Variants in FAM13A observed in about 807,000 individuals in gnomAD.
The protein encoded by FAM13A is protein FAM13A.
FAM13A carries 76 observed loss-of-function variants against 129.6 expected under a neutral mutation model. The observed-to-expected ratio is 0.59, with a 90% CI of 0.49 to 0.71. The LOEUF is 0.71. FAM13A is among the 30% of genes least tolerant of loss of function. The probability of loss-of-function intolerance (pLI) is 0.00; values close to 1 mark genes in which losing one functional copy is unlikely to be tolerated. For missense variants in FAM13A, 1,108 were observed against 1,249.3 expected (o/e 0.89, Z 1.70); for synonymous variants, 443 against 449.9 (o/e 0.98, Z 0.20).
intron 20 of FAM13A, among the ~76,000 whole-genome samples, chr4:88,737,849 C>T (rs930587181): frequency 1.3e-5 from 2 of 152,156 alleles, no homozygotes; most frequent in African/African-American, 2.4e-5. Context: ...TGCCTCCCAT[C>T]GCTGCCCCTG....
At chr4:88,957,466 G>T (rs557873409) in intron 4 of FAM13A, among the ~76,000 whole-genome samples, 41 of 152,176 alleles carry the variant, frequency 2.7e-4, no homozygotes, top group Non-Finnish European at 5.0e-4. Flanking sequence ...CTTGCAGAAT[G>T]ATGAGCCAAT....
At chr4:88,959,260 CG>C (rs936088000) in intron 4 of FAM13A, among the ~76,000 whole-genome samples, 4 of 151,982 alleles carry the variant, frequency 2.6e-5, no homozygotes, top group African/African-American at 9.7e-5. Flanking sequence ...TGGGAGGGGC[CG>C]GGGCAGAATG....
intron 5 of FAM13A, among the ~76,000 whole-genome samples, chr4:88,913,562 GGAA>G (rs1274914446): frequency 1.3e-5 from 2 of 151,550 alleles, no homozygotes; most frequent in African/African-American, 2.4e-5. Flanking sequence ...AGGAGGAGGA[GGAA>G]GAAGAAGAAA....
intron 7 of FAM13A, among the ~76,000 whole-genome samples, chr4:88,809,895 TG>T (rs1181123973): frequency 7.0e-6 from 1 of 141,970 alleles, no homozygotes; most frequent in Non-Finnish European, 1.5e-5. Context: ...GGAAAACAAA[TG>T]TAAGAGTTTT....
chr4:89,003,949 A>AC (rs1174725435), intron 3 of FAM13A, among the ~76,000 whole-genome samples: 3 of 152,178 alleles, frequency 2.0e-5, no homozygotes, highest in African/African-American at 7.2e-5. Flanking sequence ...CTGAGAAAGA[A>AC]CTGAGGGCTG....
intron 3 of FAM13A, among the ~76,000 whole-genome samples, chr4:88,994,275 A>G (rs187969865): frequency 2.0e-5 from 3 of 152,306 alleles, no homozygotes; most frequent in Admixed American, 6.5e-5. Context: ...ACCTTAATTT[A>G]TTAGCATGAC....
chr4:89,002,176 C>CAAAAAAAA (rs11370599), intron 3 of FAM13A, among the ~76,000 whole-genome samples: 3 of 115,654 alleles, frequency 2.6e-5, no homozygotes, highest in African/African-American at 6.1e-5. Flanking sequence ...CACCCAACGG[C>CAAAAAAAA]AAAAAAAAAA....
At chr4:88,917,907 A>G (rs1750362370) in intron 5 of FAM13A, among the ~76,000 whole-genome samples, 1 of 152,200 alleles carries the variant, frequency 6.6e-6, no homozygotes, top group Non-Finnish European at 1.5e-5. Context: ...TCAGATACCC[A>G]TTCACTATAA....
chr4:88,769,856 T>C (rs1015658150), intron 11 of FAM13A, among the ~76,000 whole-genome samples: 7 of 151,684 alleles, frequency 4.6e-5, no homozygotes, highest in Non-Finnish European at 5.9e-5. Context: ...AACAAAAGTA[T>C]AGAATAATGC....
intron 4 of FAM13A, among the ~76,000 whole-genome samples, chr4:88,967,020 C>T (rs555688382): frequency 9.9e-5 from 15 of 152,156 alleles, no homozygotes; most frequent in South Asian, 2.1e-4. Flanking sequence ...CTTTACTAGC[C>T]GCATGCATTG....
intron 2 of FAM13A, among the ~76,000 whole-genome samples, chr4:89,023,278 C>G (rs1322343012): frequency 6.6e-6 from 1 of 152,164 alleles, no homozygotes; most frequent in Non-Finnish European, 1.5e-5. Flanking sequence ...CAGCTAGCAT[C>G]CAACACAAAG....
In FAM13A at chr4:88,826,583, ATCT is replaced by A. The variant is rs551024214; in HGVS notation, c.1008-21534_1008-21532del. On this transcript the variant is annotated intron_variant, in intron 7 of 23. Transcript: ENST00000264344. ...ACTGTTCACTGCATTCCCGCTTCAA[ATCT>A]TCTCCAGTGCCACAAAACAGAACCT... 1.8e-3 allele frequency among the ~76,000 whole-genome samples: 281 copies of A among 152,252 alleles called. 2 individuals are homozygous for A. Among genetic ancestry groups the A allele is most frequent in the Admixed American group, 0.017 (264 of 15,290 alleles).
At chr4:88,868,433 T>C (rs1740811021) in intron 6 of FAM13A, among the ~76,000 whole-genome samples, 1 of 152,184 alleles carries the variant, frequency 6.6e-6, no homozygotes, top group African/African-American at 2.4e-5. Flanking sequence ...CTTCCCTACC[T>C]ATCACTTTAG....
At chr4:88,741,292 A>G (rs1281696282) in intron 19 of FAM13A, among the ~76,000 whole-genome samples, 1 of 152,228 alleles carries the variant, frequency 6.6e-6, no homozygotes, top group African/African-American at 2.4e-5. Context: ...TATGTTCCCC[A>G]AATTGAATAC....
intron 13 of FAM13A, among the ~76,000 whole-genome samples, chr4:88,765,028 C>T (rs1745474038): frequency 6.6e-6 from 1 of 152,142 alleles, no homozygotes; most frequent in African/African-American, 2.4e-5. Flanking sequence ...TCCACACATA[C>T]CTTCAAACAA....
At chr4:89,031,326 A>T (rs1170026634) in intron 1 of FAM13A, among the ~76,000 whole-genome samples, 1 of 152,118 alleles carries the variant, frequency 6.6e-6, no homozygotes, top group Non-Finnish European at 1.5e-5. Context: ...AATTATATAA[A>T]TTTTATCTTA....
intron 4 of FAM13A, among the ~76,000 whole-genome samples, chr4:88,969,820 A>T (rs1759833219): frequency 6.6e-6 from 1 of 152,260 alleles, no homozygotes; most frequent in Non-Finnish European, 1.5e-5. Flanking sequence ...GTCCTAGGGC[A>T]TAGAGATAGT....
intron 7 of FAM13A, among the ~76,000 whole-genome samples, chr4:88,815,309 A>G (rs925911496): frequency 4.6e-5 from 7 of 152,114 alleles, no homozygotes; most frequent in Non-Finnish European, 1.0e-4. Flanking sequence ...GGCTTCTCCT[A>G]TCTTATTTTT....
In FAM13A at chr4:89,020,594, C is replaced by T. The variant is rs780804082; in HGVS notation, c.293G>A (p.Ser98Asn). 8.1e-6 allele frequency: 13 copies of T among 1,614,056 alleles called. No individual in the cohort carries two copies. The highest frequency in any genetic ancestry group is 1.1e-5 in the Non-Finnish European group (13 of 1,180,024). Residue 98 changes from serine (S) to asparagine (N), a missense_variant, in exon 3 of 24, where the codon AGT becomes AAT. Ser to Asn is a conservative substitution (Grantham distance 46). Coordinates refer to ENST00000264344, the MANE Select transcript of FAM13A (RefSeq NM_014883.4). ...VVEQLRLKFESGVPVELGKDG... is the reference protein window; with the variant it reads ...VVEQLRLKFENGVPVELGKDG... ...CTTCCCGAGCTCCACGGGCACTCCACTCTCGAACTTCAGTCGAAGTTGTTC... is the reference window on the plus strand; with the variant it reads ...CTTCCCGAGCTCCACGGGCACTCCATTCTCGAACTTCAGTCGAAGTTGTTC...
Sources: gnomAD v4.1 joint callset for allele counts (sites outside exome capture counted in the v4.1 genomes callset) on GRCh38, gnomAD v4.1.1 for gene constraint, MANE v1.5 for transcripts, NCBI Gene and HGNC (gene_info 2026-07-23, HGNC 2026-07-21) for gene names.